The following SUSD4 variants were observed in gnomAD, a reference collection of about 807,000 sequenced individuals.
SUSD4 encodes the protein sushi domain-containing protein 4.
In SUSD4, 41 loss-of-function variants were observed where a neutral mutation model predicts 50.5. That is an observed-to-expected ratio of 0.81 (90% CI 0.63 to 1.05). SUSD4 has a LOEUF of 1.05. Ranked by LOEUF, SUSD4 falls within the 50% of genes least tolerant of loss-of-function variation. The probability of loss-of-function intolerance (pLI) is 0.00; values close to 1 mark genes in which losing one functional copy is unlikely to be tolerated. For missense variants in SUSD4, 580 were observed against 634.7 expected (o/e 0.91, Z 0.93); for synonymous variants, 257 against 257.3 (o/e 1.00, Z 0.01).
intron 5 of SUSD4, among the ~76,000 whole-genome samples, chr1:223,260,130 G>C (rs1661997289): frequency 6.6e-6 from 1 of 152,164 alleles, no homozygotes; most frequent in Admixed American, 6.5e-5. Flanking sequence ...CTTTCTAAAT[G>C]CAGAAGCCCC....
intron 4 of SUSD4, among the ~76,000 whole-genome samples, chr1:223,265,114 T>C (rs1662399620): frequency 6.6e-6 from 1 of 152,354 alleles, no homozygotes; most frequent in East Asian, 1.9e-4. Context: ...CCACGTGTTC[T>C]GGCTCTGACT....
chr1:223,294,040 C>T (rs1453082077), intron 2 of SUSD4, among the ~76,000 whole-genome samples: 1 of 152,288 alleles, frequency 6.6e-6, no homozygotes, highest in African/African-American at 2.4e-5. Context: ...ATGCTTTAAC[C>T]GTGTCCTCAA....
chr1:223,258,271 C>T (rs868592797), intron 5 of SUSD4, among the ~76,000 whole-genome samples: 1 of 152,318 alleles, frequency 6.6e-6, no homozygotes, highest in African/African-American at 2.4e-5. Flanking sequence ...GGGGAGCCCT[C>T]CACATCCAAG....
intron 2 of SUSD4, among the ~76,000 whole-genome samples, chr1:223,355,749 C>T (rs576316911): frequency 1.3e-5 from 2 of 152,166 alleles, no homozygotes; most frequent in Non-Finnish European, 2.9e-5. Flanking sequence ...CATGAGATAA[C>T]CGGGTTACAC....
Position 223,229,376 on chromosome 1 carries a change from G to T in SUSD4, c.737C>A (p.Pro246His), listed in dbSNP as rs1489319438. 6.3e-7 allele frequency: 1 copy of T among 1,595,686 alleles called. No individual in the cohort carries two copies. Among genetic ancestry groups the T allele is most frequent in the Non-Finnish European group, 8.6e-7 (1 of 1,165,412 alleles). The change falls in exon 6 of 9, where the codon CCT becomes CAT. Residue 246 changes from proline (P) to histidine (H), a missense_variant. Physicochemically the swap from Pro to His is moderately conservative, Grantham distance 77 (BLOSUM62 -2). Coordinates refer to ENST00000366878, the MANE Select transcript of SUSD4 (RefSeq NM_017982.4). This position sits in a 1 kb window ranked among gnomAD's most constrained non-coding sequence, Gnocchi z 4.7. ...GAAATCTCCGTGACTCACCATTGGA[G>T]GTAGTGGACAGACTTGGGCAGTAGG... is the stretch of plus-strand genomic sequence containing the variant. ...RCLALEVCPL[P>H]PMVSHGDFVC... is the part of the protein sequence containing the mutation.
At chr1:223,252,234 A>ATAT (rs1553285698) in intron 5 of SUSD4, among the ~76,000 whole-genome samples, 1,244 of 74,138 alleles carry the variant, frequency 0.017, 12 homozygotes, top group African/African-American at 0.044. Context: ...AAAAAAAAAA[A>ATAT]AAATATATAT....
At position 223,342,988 on chromosome 1, in the gene SUSD4, A is replaced by G. The variant is rs113236308; in HGVS notation, c.148+20290T>C. 3.0e-3 allele frequency among the ~76,000 whole-genome samples: 463 copies of G among 152,344 alleles called. 2 individuals are homozygous for G. The highest frequency in any genetic ancestry group is 0.011 in the African/African-American group (452 of 41,568). ...TTGAAAAGAGTTTTACAAATGAATA[A>G]GAAAAAGATAAAAACATTAGCGGAA... On this transcript the variant is annotated intron_variant, in intron 2 of 8. Coordinates refer to ENST00000366878, the MANE Select transcript of SUSD4 (RefSeq NM_017982.4).
At chr1:223,269,252 C>T (rs1402101008) in intron 3 of SUSD4, among the ~76,000 whole-genome samples, 1 of 152,218 alleles carries the variant, frequency 6.6e-6, no homozygotes, top group African/African-American at 2.4e-5. Flanking sequence ...GAGCAGCACA[C>T]ACTACTGCCA....
intron 5 of SUSD4, among the ~76,000 whole-genome samples, chr1:223,257,021 T>G (rs766260356): frequency 1.3e-5 from 2 of 152,188 alleles, no homozygotes; most frequent in Non-Finnish European, 2.9e-5. Flanking sequence ...TGCACGGTGC[T>G]TGGCATAGAG....
At chr1:223,264,413 T>G in intron 5 of SUSD4, 1 of 1,278,768 alleles carries the variant, frequency 7.8e-7, no homozygotes, top group Non-Finnish European at 9.9e-7. Flanking sequence ...TTTTATCTGC[T>G]CTCCTCTTTA....
intron 5 of SUSD4, among the ~76,000 whole-genome samples, chr1:223,250,757 T>C (rs1032075277): frequency 6.6e-6 from 1 of 152,168 alleles, no homozygotes; most frequent in Non-Finnish European, 1.5e-5. Flanking sequence ...CCCTGACAGA[T>C]ACAGGGAAGC....
At chr1:223,348,582 G>A (rs1668173351) in intron 2 of SUSD4, among the ~76,000 whole-genome samples, 1 of 152,178 alleles carries the variant, frequency 6.6e-6, no homozygotes, top group Non-Finnish European at 1.5e-5. Flanking sequence ...TGGGTGAAGG[G>A]TTAAATTAAA....
At chr1:223,251,680 A>C (rs1013450951) in intron 5 of SUSD4, among the ~76,000 whole-genome samples, 8 of 152,232 alleles carry the variant, frequency 5.3e-5, no homozygotes, top group African/African-American at 1.4e-4. Flanking sequence ...GGTTCCAAGT[A>C]TTTGCTATTG....
chr1:223,312,858 T>C (rs980060445), intron 2 of SUSD4, among the ~76,000 whole-genome samples: 14 of 152,132 alleles, frequency 9.2e-5, no homozygotes, highest in African/African-American at 2.7e-4. Flanking sequence ...CCTAGGTCAT[T>C]TCCAGCGTAG....
chr1:223,337,968 G>A (rs1371977813), intron 2 of SUSD4, among the ~76,000 whole-genome samples: 2 of 152,172 alleles, frequency 1.3e-5, no homozygotes, highest in East Asian at 1.9e-4. Context: ...AAGGTTTCTG[G>A]ACTCCTAGGG....
At chr1:223,301,141 T>C (rs1665166034) in intron 2 of SUSD4, among the ~76,000 whole-genome samples, 1 of 152,198 alleles carries the variant, frequency 6.6e-6, no homozygotes, top group South Asian at 2.1e-4. Flanking sequence ...ATAAACTCTT[T>C]AGGGAAAGAA....
chr1:223,256,990 G>C (rs1341667370), intron 5 of SUSD4, among the ~76,000 whole-genome samples: 1 of 152,190 alleles, frequency 6.6e-6, no homozygotes, highest in African/African-American at 2.4e-5. Context: ...GTTGTTAGGA[G>C]AGATCATGAA....
chr1:223,284,907 TCA>T (rs1476652572), intron 3 of SUSD4, among the ~76,000 whole-genome samples: 1 of 152,028 alleles, frequency 6.6e-6, no homozygotes, highest in Non-Finnish European at 1.5e-5. Context: ...GAATATAAAG[TCA>T]CAGATAGATA....
intron 3 of SUSD4, among the ~76,000 whole-genome samples, chr1:223,278,843 C>A (rs534223062): frequency 3.3e-5 from 5 of 152,102 alleles, no homozygotes; most frequent in African/African-American, 1.2e-4. Flanking sequence ...ACACCTCACA[C>A]GGCTGGGTAC....
Sources: gnomAD v4.1 joint callset for allele counts (sites outside exome capture counted in the v4.1 genomes callset) on GRCh38, gnomAD v4.1.1 for gene constraint, Gnocchi (gnomAD v3.1) non-coding constraint, MANE v1.5 for transcripts, NCBI Gene and HGNC (gene_info 2026-07-23, HGNC 2026-07-21) for gene names.